Variants in PRKG1 observed in about 807,000 individuals in gnomAD.
PRKG1 encodes cGMP-dependent protein kinase 1.
Under a neutral mutation model 88.1 loss-of-function variants are expected in PRKG1, and 35 were observed. The ratio of observed to expected loss-of-function variants is 0.40; its 90% CI spans 0.30 to 0.53. PRKG1 has a LOEUF of 0.53. Among genes scored for constraint, PRKG1 ranks in the 20% least tolerant of loss-of-function variants. PRKG1 has a pLI of 0.59. For missense variants in PRKG1, 540 were observed against 839.8 expected (o/e 0.64, Z 4.41); for synonymous variants, 303 against 292.5 (o/e 1.04, Z -0.37).
intron 5 of PRKG1, among the ~76,000 whole-genome samples, chr10:51,967,883 C>T (rs1843611330): frequency 6.6e-6 from 1 of 152,124 alleles, no homozygotes; most frequent in Non-Finnish European, 1.5e-5. Context: ...TTCATTTTCT[C>T]AGTTCATCAC....
At chr10:51,002,640 A>G (rs571413215) in intron 1 of PRKG1, among the ~76,000 whole-genome samples, 4 of 152,276 alleles carry the variant, frequency 2.6e-5, no homozygotes, top group Non-Finnish European at 5.9e-5. Flanking sequence ...GCCTTCCTGT[A>G]AAAGGCTATT....
intron 3 of PRKG1, among the ~76,000 whole-genome samples, chr10:51,739,511 A>C (rs1837377536): frequency 6.6e-6 from 1 of 152,204 alleles, no homozygotes; most frequent in Non-Finnish European, 1.5e-5. Context: ...TGCTCCTAAC[A>C]GCCTCCCAGA....
chr10:52,031,344 A>C (rs1023406342), intron 5 of PRKG1, among the ~76,000 whole-genome samples: 8 of 152,232 alleles, frequency 5.3e-5, no homozygotes, highest in Admixed American at 5.2e-4. Flanking sequence ...TGGTTGCCAT[A>C]ATAAGTCTTC....
intron 7 of PRKG1, among the ~76,000 whole-genome samples, chr10:52,113,403 GATAA>G (rs1847612791): frequency 6.6e-6 from 1 of 151,976 alleles, no homozygotes; most frequent in African/African-American, 2.4e-5. Flanking sequence ...TGGATGGATG[GATAA>G]ATAAAAAAAG....
intron 5 of PRKG1, among the ~76,000 whole-genome samples, chr10:51,924,381 G>A (rs180924512): frequency 1.1e-3 from 162 of 152,094 alleles, no homozygotes; most frequent in African/African-American, 3.7e-3. Flanking sequence ...TGCTTGTATG[G>A]TTTTTGTAGA....
chr10:51,432,861 C>T (rs78015227), intron 2 of PRKG1, among the ~76,000 whole-genome samples: 1 of 152,100 alleles, frequency 6.6e-6, no homozygotes, highest in African/African-American at 2.4e-5. Flanking sequence ...TCACATTTAT[C>T]AAAGGATGCA....
chr10:52,281,561 T>C (rs73348719), intron 13 of PRKG1, among the ~76,000 whole-genome samples: 3,941 of 152,206 alleles, frequency 0.026, 140 homozygotes, highest in African/African-American at 0.086. Context: ...CAAATCGTTT[T>C]AGAAAAAATA....
intron 5 of PRKG1, among the ~76,000 whole-genome samples, chr10:52,036,575 G>A (rs1424769827): frequency 1.8e-4 from 28 of 152,004 alleles, no homozygotes; most frequent in South Asian, 8.3e-4. Flanking sequence ...ATGATTGGTC[G>A]CCAAGGAGGG....
chr10:52,168,452 C>A (rs1248582967), intron 9 of PRKG1, among the ~76,000 whole-genome samples: 1 of 152,076 alleles, frequency 6.6e-6, no homozygotes, highest in Admixed American at 6.5e-5. Flanking sequence ...AGACCTAGAA[C>A]AAAAGAGAGA....
chr10:52,153,714 T>C (rs1259903842), intron 8 of PRKG1, among the ~76,000 whole-genome samples: 1 of 152,146 alleles, frequency 6.6e-6, no homozygotes, highest in East Asian at 1.9e-4. Context: ...AGTATCAGCA[T>C]ACTGCAAAAA....
chr10:52,124,905 C>A (rs527980418), intron 7 of PRKG1, among the ~76,000 whole-genome samples: 1 of 152,112 alleles, frequency 6.6e-6, no homozygotes, highest in Non-Finnish European at 1.5e-5. Context: ...TCCACCTCTA[C>A]GTCTTGTCCC....
intron 3 of PRKG1, among the ~76,000 whole-genome samples, chr10:51,540,854 G>A (rs1166616747): frequency 6.6e-6 from 1 of 152,112 alleles, no homozygotes; most frequent in Admixed American, 6.5e-5. Flanking sequence ...GAGTAGCTGG[G>A]ATTACAGGTG....
Position 51,325,710 on chromosome 10 carries a change from T to C in PRKG1, c.479-142013T>C, listed in dbSNP as rs145701943. 1.0e-3 allele frequency among the ~76,000 whole-genome samples: 155 copies of C among 152,300 alleles called. 1 individual carries two copies. Among genetic ancestry groups the C allele is most frequent in the Non-Finnish European group, 1.7e-3 (114 of 68,024 alleles). ...ACCCAGGCCAATGTCCTATAACGTT[T>C]CTCCAATATTTTCTTCTAGTAGTTT... On this transcript the variant is annotated intron_variant, in intron 2 of 17. Transcript: ENST00000373980.
intron 3 of PRKG1, among the ~76,000 whole-genome samples, chr10:51,773,545 A>G (rs996192579): frequency 1.3e-5 from 2 of 152,120 alleles, no homozygotes; most frequent in Non-Finnish European, 1.5e-5. Context: ...GTCAAGGTTT[A>G]GGACATACTA....
chr10:52,064,603 C>T (rs1021367040), intron 7 of PRKG1, among the ~76,000 whole-genome samples: 2 of 152,206 alleles, frequency 1.3e-5, no homozygotes, highest in African/African-American at 4.8e-5. Context: ...CCCCTGCCTG[C>T]CCATGACTTG....
intron 4 of PRKG1, among the ~76,000 whole-genome samples, chr10:51,838,938 A>G (rs892326219): frequency 2.0e-5 from 3 of 149,814 alleles, no homozygotes; most frequent in Non-Finnish European, 4.4e-5. Context: ...ATTTAGCTGT[A>G]TAATGGCTGT....
In PRKG1 at chr10:51,046,100, A is replaced by G. The variant is rs537873439; in HGVS notation, c.266+54456A>G. On this transcript the variant is annotated intron_variant, in intron 1 of 17. Transcript: ENST00000401604. ...TAGAAATGTAACCACTGAAGCCAACATTTTTGCACAGTAAGAGCATGTGAA... is the reference window on the plus strand; with the variant it reads ...TAGAAATGTAACCACTGAAGCCAACGTTTTTGCACAGTAAGAGCATGTGAA... Among the ~76,000 whole-genome samples the G allele has an allele frequency of 3.2e-4, 49 of 152,330 alleles. 1 individual carries two copies. The Middle Eastern group carries it at 0.02, about 63-fold the overall frequency.
chr10:51,463,705 T>G (rs1279750255), intron 2 of PRKG1, among the ~76,000 whole-genome samples: 3 of 152,214 alleles, frequency 2.0e-5, no homozygotes, highest in Non-Finnish European at 4.4e-5. Flanking sequence ...CTTCTAATTT[T>G]GCTACAAGAC....
At chr10:52,022,696 G>GA (rs1845218061) in intron 5 of PRKG1, among the ~76,000 whole-genome samples, 1 of 152,086 alleles carries the variant, frequency 6.6e-6, no homozygotes, top group Non-Finnish European at 1.5e-5. Context: ...TACAAAATTA[G>GA]AAAAAGAATA....
Sources: gnomAD v4.1 joint callset for allele counts (sites outside exome capture counted in the v4.1 genomes callset) on GRCh38, gnomAD v4.1.1 for gene constraint, MANE v1.5 for transcripts, NCBI Gene and HGNC (gene_info 2026-07-23, HGNC 2026-07-21) for gene names.